The following DNAAF10 variants were observed in gnomAD, a reference collection of about 807,000 sequenced individuals.
The protein encoded by DNAAF10 is WD repeat domain 92.
Under a neutral mutation model 43.7 loss-of-function variants are expected in DNAAF10, and 28 were observed. That is an observed-to-expected ratio of 0.64 (90% CI 0.48 to 0.88). The LOEUF is 0.88. Among genes scored for constraint, DNAAF10 ranks in the 40% least tolerant of loss-of-function variants. DNAAF10 has a pLI of 0.00. For missense variants in DNAAF10, 403 were observed against 439.1 expected (o/e 0.92, Z 0.73); for synonymous variants, 156 against 157.3 (o/e 0.99, Z 0.06).
chr2:68,153,695 T>C (rs1320522364), intron 1 of DNAAF10, among the ~76,000 whole-genome samples: 1 of 150,826 alleles, frequency 6.6e-6, no homozygotes, highest in Non-Finnish European at 1.5e-5. Flanking sequence ...GTATTTAACC[T>C]ATATTTAAAA....
Position 68,157,400 on chromosome 2 carries a change from T to C in DNAAF10, c.44A>G (p.Lys15Arg). ...GTCAAACACCGTGTAGTTGAAGCCC[T>C]TCTGGATATGGGCGATGATCTGAGG... ...EKPQIIAHIQ[K>R]GFNYTVFDCK... The change falls in exon 1 of 8, where the codon AAG becomes AGG. Residue 15 changes from lysine to arginine, a missense_variant. By Grantham distance (26) the Lys-to-Arg change is conservative (BLOSUM62 2). Transcript: ENST00000295121. 1 of 1,614,186 alleles carries C rather than the reference T, an allele frequency of 6.2e-7. No individual in the cohort carries two copies. Among genetic ancestry groups the C allele is most frequent in the East Asian group, 2.2e-5 (1 of 44,876 alleles).
At chr2:68,141,548 G>A (rs1214436808) in intron 4 of DNAAF10, 146 bp downstream of exon 4, 4 of 680,456 alleles carry the variant, frequency 5.9e-6, no homozygotes, top group Non-Finnish European at 9.2e-6. Context: ...CCCAGAGGCT[G>A]ACATTAACCA....
intron 1 of DNAAF10, among the ~76,000 whole-genome samples, chr2:68,150,036 A>C (rs2103632332): frequency 6.6e-6 from 1 of 152,338 alleles, no homozygotes. Context: ...CCCACCAACC[A>C]GCTAAAGCAT....
At chr2:68,132,054 T>G (rs1231585479) in intron 7 of DNAAF10, 1 of 152,966 alleles carries the variant, frequency 6.5e-6, no homozygotes, top group East Asian at 1.9e-4. Context: ...GAGAACATTT[T>G]TTTTTTCAGC....
intron 2 of DNAAF10, 23 bp from the exon 3 acceptor site, chr2:68,144,738 T>C: frequency 6.2e-7 from 1 of 1,600,606 alleles, no homozygotes; most frequent in Non-Finnish European, 8.5e-7. Context: ...CACAGCTTCT[T>C]ACACCACATA....
intron 1 of DNAAF10, among the ~76,000 whole-genome samples, chr2:68,148,117 T>G (rs1348760919): frequency 2.0e-5 from 3 of 152,200 alleles, no homozygotes; most frequent in African/African-American, 7.2e-5. Context: ...AAAAGGCTAC[T>G]GCACCAAGTA....
chr2:68,132,164 T>C (rs145729854), intron 7 of DNAAF10, among the ~76,000 whole-genome samples: 3 of 152,306 alleles, frequency 2.0e-5, no homozygotes, highest in African/African-American at 2.4e-5. Flanking sequence ...TCCTCCCCAA[T>C]AGAGATGTGT....
chr2:68,145,666 C>T (rs1270715176), intron 2 of DNAAF10, among the ~76,000 whole-genome samples: 1 of 152,132 alleles, frequency 6.6e-6, no homozygotes, highest in East Asian at 1.9e-4. Context: ...ATATGTATTA[C>T]TGCAAGACAG....
Position 68,131,427 on chromosome 2 carries a change from C to G in DNAAF10, c.885G>C (p.Arg295=). 6.2e-7 allele frequency: 1 copy of G among 1,614,108 alleles called. No homozygotes were observed. The highest frequency in any genetic ancestry group is 8.5e-7 in the Non-Finnish European group (1 of 1,180,024). ...HLWKYEYPIQ[R]SKKDSEGIEM... ...CTATTCCCTCAGAATCTTTCTTTGA[C>G]CGCTGAATAGGGTATTCACTGAAAA... Residue 295 remains arginine, a synonymous_variant, in exon 8 of 8, where the codon CGG becomes CGC. Transcript: ENST00000295121.
Position 68,129,838 on chromosome 2 carries a change from A to T in DNAAF10, c.*1400T>A, listed in dbSNP as rs1320131035. On this transcript the variant is annotated 3_prime_UTR_variant, in exon 8 of 8. Transcript: ENST00000295121. ...CAATGTTAACTTTATTACTACTGTTAAGGTAACAGAATCAAAGCTTCTGTA... is the reference window on the plus strand; with the variant it reads ...CAATGTTAACTTTATTACTACTGTTTAGGTAACAGAATCAAAGCTTCTGTA... The T allele has an allele frequency of 2.0e-5, 3 of 152,086 alleles. No homozygotes were observed. The highest frequency in any genetic ancestry group is 4.4e-5 in the Non-Finnish European group (3 of 67,998). The allele number at this position is 152,086 out of a possible 1,614,324, so 9.4% of individuals were successfully genotyped here.
chr2:68,152,115 AAC>A (rs1439278096), intron 1 of DNAAF10, among the ~76,000 whole-genome samples: 10 of 152,236 alleles, frequency 6.6e-5, no homozygotes, highest in African/African-American at 2.4e-4. Context: ...TAAATGGCAC[AAC>A]GGCATGAATT....
Position 68,144,629 on chromosome 2 carries a change from C to G in DNAAF10, c.371G>C (p.Gly124Ala). ...INAIDGIGGLGIGEGAPEIVT... is the reference protein window; with the variant it reads ...INAIDGIGGLAIGEGAPEIVT... ...AATTTCAGGTGCTCCTTCTCCAATT[C>G]CTAGTCCACCTATGCCATCTATGGC... The change falls in exon 3 of 8, where the codon GGA becomes GCA. Residue 124 changes from glycine to alanine, a missense_variant. Gly to Ala is a moderately conservative substitution (Grantham distance 60). Transcript: ENST00000295121. The G allele has an allele frequency of 6.2e-7, 1 of 1,614,066 alleles. No individual in the cohort carries two copies. The highest frequency in any genetic ancestry group is 8.5e-7 in the Non-Finnish European group (1 of 1,179,998).
At chr2:68,138,257 T>A (rs1156508657) in intron 5 of DNAAF10, among the ~76,000 whole-genome samples, 1 of 152,180 alleles carries the variant, frequency 6.6e-6, no homozygotes, top group Non-Finnish European at 1.5e-5. Context: ...TGGGTTCCCA[T>A]GCTCAGTGAA....
intron 1 of DNAAF10, chr2:68,156,942 G>A (rs1193222868): frequency 5.0e-6 from 2 of 399,450 alleles, no homozygotes; most frequent in African/African-American, 4.0e-5. Context: ...ACATCCCTGG[G>A]AATACCAGGC....
chr2:68,130,097 G>T lies in DNAAF10; in HGVS notation c.*1141C>A, dbSNP rs1423544405. ...AGCTACCCAAATCTAGACCAACCGT[G>T]CCGTTTTGAGAGAGAGAGATATATA... On this transcript the variant is annotated 3_prime_UTR_variant, in exon 8 of 8. Transcript: ENST00000295121. The T allele has an allele frequency of 3.0e-5, 3 of 100,938 alleles. No homozygotes were observed. The highest frequency in any genetic ancestry group is 1.1e-4 in the African/African-American group (3 of 28,258). The allele number at this position is 100,938 out of a possible 1,614,324, so 6.3% of individuals were successfully genotyped here.
chr2:68,135,785 T>G (rs1366939869), intron 6 of DNAAF10, among the ~76,000 whole-genome samples: 1 of 152,244 alleles, frequency 6.6e-6, no homozygotes, highest in Non-Finnish European at 1.5e-5. Context: ...AAACATTTTA[T>G]TTTGTAGCTT....
At chr2:68,136,328 GTAAAGTGATTTATGTTGTTGATAGA>G (rs1363483959) in intron 6 of DNAAF10, among the ~76,000 whole-genome samples, 3 of 151,874 alleles carry the variant, frequency 2.0e-5, no homozygotes, top group African/African-American at 7.3e-5. Context: ...GAACAGTTTA[GTAAAGTGATTTATGTTGTTGATAGA>G]TACTTAATAT....
chr2:68,147,143 T>A (rs1471771683), intron 2 of DNAAF10, among the ~76,000 whole-genome samples: 3 of 152,170 alleles, frequency 2.0e-5, no homozygotes, highest in Non-Finnish European at 4.4e-5. Flanking sequence ...TGCATTTTTA[T>A]ATACTGTATT....
In DNAAF10 at chr2:68,131,509, C is replaced by T. The variant is rs150194830; in HGVS notation, c.867-64G>A. On this transcript the variant is annotated intron_variant, in intron 7 of 7. Coordinates refer to ENST00000295121, the MANE Select transcript of DNAAF10 (RefSeq NM_138458.4). ...TAGCTTTCACCATTTTATTTTTATA[C>T]ATACACTTCAATGACTCTATTTCTC... is the stretch of plus-strand genomic sequence containing the variant. 5.0e-4 allele frequency: 728 copies of T among 1,453,620 alleles called. 4 individuals carry two copies. In the Middle Eastern group the frequency reaches 6.3e-3, roughly 13 times the overall value. 90.0% of individuals were successfully genotyped at this position (1,453,620 alleles called of 1,614,324 possible). A position where few individuals can be genotyped will look rare whatever the true frequency, so the allele number is the denominator to read the frequency against.
Sources: gnomAD v4.1 joint callset for allele counts (sites outside exome capture counted in the v4.1 genomes callset) on GRCh38, gnomAD v4.1.1 for gene constraint, MANE v1.5 for transcripts, NCBI Gene and HGNC (gene_info 2026-07-23, HGNC 2026-07-21) for gene names.